HAPLN4: variants seen among roughly 807,000 people sequenced by gnomAD.
HAPLN4 encodes brain link protein 2.
HAPLN4 carries 19 observed loss-of-function variants against 28.0 expected under a neutral mutation model. The ratio of observed to expected loss-of-function variants is 0.68; its 90% CI spans 0.47 to 1.00. The LOEUF is 1.00. Ranked by LOEUF, HAPLN4 falls within the 50% of genes least tolerant of loss-of-function variation. The probability of loss-of-function intolerance (pLI) is 0.00; values close to 1 mark genes in which losing one functional copy is unlikely to be tolerated. For missense variants in HAPLN4, 587 were observed against 602.6 expected (o/e 0.97, Z 0.27); for synonymous variants, 274 against 273.0 (o/e 1.00, Z -0.03).
chr19:19,260,836 C>G lies in HAPLN4; in HGVS notation c.461G>C (p.Gly154Ala), dbSNP rs769047283. The change falls in exon 3 of 5, where the codon GGC (glycine) becomes GCC (alanine). Residue 154 changes from glycine to alanine, a missense_variant. By Grantham distance (60) the Gly-to-Ala change is moderately conservative (BLOSUM62 0). Coordinates refer to ENST00000291481, the MANE Select transcript of HAPLN4 (RefSeq NM_023002.3). ...EVTNELEDDAGMVKLDLEGVV... is the reference protein window; with the variant it reads ...EVTNELEDDAAMVKLDLEGVV... ...ACCTTCCAGGTCCAGCTTGACCATG[C>G]CAGCGTCATCTTCCAGCTCATTGGT... is the stretch of plus-strand genomic sequence containing the variant. The G allele has an allele frequency of 1.2e-6, 2 of 1,612,140 alleles. No homozygotes were observed. Among genetic ancestry groups the G allele is most frequent in the Admixed American group, 3.3e-5 (2 of 60,000 alleles).
rs762316018 is a variant in HAPLN4, at chr19:19,258,597, C to T, written c.743G>A (p.Gly248Asp). Reference protein sequence around the residue: ...SAGGGGDANGGLRNYGYRHNA... With the variant: ...SAGGGGDANGDLRNYGYRHNA... ...ATGGCGATACCCGTAGTTGCGCAGG[C>T]CCCCGTTGGCATCACCGCCGCCCCC... The change falls in exon 4 of 5, where the codon GGC (glycine) becomes GAC (aspartate). Residue 248 changes from glycine (G) to aspartate (D), a missense_variant. Gly to Asp is a moderately conservative substitution (Grantham distance 94). Transcript: ENST00000291481. This position sits in a 1 kb window ranked among gnomAD's most constrained non-coding sequence, Gnocchi z 6.2. The T allele has an allele frequency of 9.9e-6, 16 of 1,613,554 alleles. No individual in the cohort carries two copies. Among genetic ancestry groups the T allele is most frequent in the Non-Finnish European group, 1.3e-5 (15 of 1,179,824 alleles).
chr19:19,262,046 G>A (rs2060985493), intron 1 of HAPLN4, among the ~76,000 whole-genome samples: 1 of 151,910 alleles, frequency 6.6e-6, no homozygotes, highest in Non-Finnish European at 1.5e-5. Flanking sequence ...AGAAGAGAGT[G>A]CGCGACACAG....
In HAPLN4 at chr19:19,262,760, C is replaced by T. The variant is rs1207559890; in HGVS notation, c.-28G>A. The T allele has an allele frequency of 5.0e-6, 8 of 1,608,140 alleles. No individual in the cohort carries two copies. In the South Asian group the frequency reaches 8.9e-5, roughly 18 times the overall value. On this transcript the variant is annotated 5_prime_UTR_variant, in exon 1 of 5. Transcript: ENST00000291481. Reference sequence around the variant, plus strand: ...TGCCCGCGCGGCCCCCGCCGAGCGGCCCCTACGCACCCGGACTGCGCTCCC... The same window carrying T: ...TGCCCGCGCGGCCCCCGCCGAGCGGTCCCTACGCACCCGGACTGCGCTCCC...
At chr19:19,261,211 T>G (rs1192847113) in intron 2 of HAPLN4, 36 bp from the exon 3 acceptor site, 1 of 1,565,502 alleles carries the variant, frequency 6.4e-7, no homozygotes, top group Non-Finnish European at 8.7e-7. Context: ...AGGAGGGGCC[T>G]AGGGGCAGAA....
chr19:19,259,284 A>G (rs1397564176), intron 3 of HAPLN4, among the ~76,000 whole-genome samples: 6 of 152,058 alleles, frequency 3.9e-5, no homozygotes, highest in African/African-American at 1.4e-4. Flanking sequence ...TGACTCTCCT[A>G]GACTAGGACC....
At chr19:19,260,000 G>A (rs2060978015) in intron 3 of HAPLN4, among the ~76,000 whole-genome samples, 1 of 152,142 alleles carries the variant, frequency 6.6e-6, no homozygotes, top group Admixed American at 6.6e-5. Context: ...GAAATCAGTT[G>A]CTAAGCAGGG....
At chr19:19,260,329 G>T (rs2060978898) in intron 3 of HAPLN4, among the ~76,000 whole-genome samples, 1 of 152,134 alleles carries the variant, frequency 6.6e-6, no homozygotes, top group Non-Finnish European at 1.5e-5. Context: ...AGATTTTCCT[G>T]CCTCAGCCTC....
At chr19:19,261,300 A>G (rs1599833560) in intron 2 of HAPLN4, 125 bp from the exon 3 acceptor site, 3 of 1,262,710 alleles carry the variant, frequency 2.4e-6, no homozygotes, top group Non-Finnish European at 3.4e-6. Context: ...AGAAGGGTCC[A>G]GGGGCTCAGG....
intron 2 of HAPLN4, 102 bp downstream of exon 2, chr19:19,261,344 G>C: frequency 7.9e-7 from 1 of 1,269,568 alleles, no homozygotes; most frequent in Non-Finnish European, 1.1e-6. Context: ...GGAGTGGCTG[G>C]GGGAACCGCG....
rs1456944939 is a variant in HAPLN4, at chr19:19,258,587, G to A, written c.753C>T (p.Asn251=). 6.2e-7 allele frequency: 1 copy of A among 1,613,692 alleles called. No individual in the cohort carries two copies. Among genetic ancestry groups the A allele is most frequent in the African/African-American group, 1.3e-5 (1 of 75,020 alleles). The change falls in exon 4 of 5, where the codon AAC becomes AAT. Residue 251 remains asparagine, a synonymous_variant. Coordinates refer to ENST00000291481, the MANE Select transcript of HAPLN4 (RefSeq NM_023002.3). This position sits in a 1 kb window ranked among gnomAD's most constrained non-coding sequence, Gnocchi z 6.2. ...CCTCGGCGTTATGGCGATACCCGTA[G>A]TTGCGCAGGCCCCCGTTGGCATCAC... The part of the protein sequence containing the change: ...GGGDANGGLR[N]YGYRHNAEER...
chr19:19,255,578 C>T lies in HAPLN4; in HGVS notation c.*2239G>A, dbSNP rs1229030245. On this transcript the variant is annotated 3_prime_UTR_variant, in exon 5 of 5. Coordinates refer to ENST00000291481, the MANE Select transcript of HAPLN4 (RefSeq NM_023002.3). ...AAAACAAAAAAAACCCCAAGCCCCC[C>T]AAGCTTGTAACATCTTATCTACCAA... 1.3e-5 allele frequency: 2 copies of T among 152,192 alleles called. No individual in the cohort carries two copies. The highest frequency in any genetic ancestry group is 2.4e-5 in the African/African-American group (1 of 41,430). The allele number at this position is 152,192 out of a possible 1,614,324, so 9.4% of individuals were successfully genotyped here.
rs2060972705 is a variant in HAPLN4 at position 19,258,284 on chromosome 19, C to T, written c.818-76G>A. 3 of 1,368,698 alleles carry T rather than the reference C, an allele frequency of 2.2e-6. No individual in the cohort carries two copies. The highest frequency in any genetic ancestry group is 1.5e-5 in the South Asian group (1 of 67,874). The allele number at this position is 1,368,698 out of a possible 1,614,324, so 84.8% of individuals were successfully genotyped here. Reference sequence around the variant, plus strand: ...GCTTCGGTGGGATTCAGGACTGCCCCCCGCATGCAGCCTAGGACTCTGGCC... The same window carrying T: ...GCTTCGGTGGGATTCAGGACTGCCCTCCGCATGCAGCCTAGGACTCTGGCC... On this transcript the variant is annotated intron_variant, in intron 4 of 4. Transcript: ENST00000291481. This position sits in a 1 kb window ranked among gnomAD's most constrained non-coding sequence, Gnocchi z 6.2.
Position 19,258,472 on chromosome 19 carries a change from G to C in HAPLN4, c.817+51C>G. On this transcript the variant is annotated intron_variant, in intron 4 of 4. Coordinates refer to ENST00000291481, the MANE Select transcript of HAPLN4 (RefSeq NM_023002.3). The surrounding 1 kb of genome is among the most constrained non-coding windows in gnomAD (Gnocchi z 6.2). ...AGCTGGGTGGGGAAGAAGGCCCCGG[G>C]GTTGGGGTAGTGTTGCAGCAGAGGC... 1.3e-6 allele frequency: 2 copies of C among 1,555,390 alleles called. No homozygotes were observed. Among genetic ancestry groups the C allele is most frequent in the Non-Finnish European group, 1.8e-6 (2 of 1,134,238 alleles).
rs1488517516 is a variant in HAPLN4, at chr19:19,260,950, GC to G, written c.346del (p.Ala116LeufsTer61). 3 of 1,613,838 alleles carry G rather than the reference GC, an allele frequency of 1.9e-6. No individual in the cohort carries two copies. In the East Asian group the frequency reaches 6.7e-5, roughly 36 times the overall value. ...HRAFGSYRGRAELQGDGPGDA... is the reference protein window; with the variant it reads ...HRAFGSYRGRXELQGDGPGDA... Reference sequence around the variant, plus strand: ...CCCAGGCCCGTCGCCCTGCAGCTCAGCCCGCCCACGGTAGCTGCCGAATGCC... The same window carrying G: ...CCCAGGCCCGTCGCCCTGCAGCTCAGCCGCCCACGGTAGCTGCCGAATGCC... On this transcript the variant is annotated frameshift_variant, in exon 3 of 5. Coordinates refer to ENST00000291481, the MANE Select transcript of HAPLN4 (RefSeq NM_023002.3). LOFTEE classifies it high-confidence loss of function.
At position 19,261,172 on chromosome 19, in the gene HAPLN4, C is replaced by T; in HGVS notation, c.125G>A (p.Gly42Asp). ...CTGTACCACTACCGAGCCCGACTCA[C>T]CCTCTGAGGACAACCAAGCAGGGTT... The part of the protein sequence containing the change: ...GRKKVVHVLE[G>D]ESGSVVVQTA... The change falls in exon 3 of 5, where the codon GGT (glycine) becomes GAT (aspartate). Residue 42 changes from glycine to aspartate, a missense_variant. By Grantham distance (94) the Gly-to-Asp change is moderately conservative. Transcript: ENST00000291481. 6.3e-7 allele frequency: 1 copy of T among 1,593,052 alleles called. No homozygotes were observed.
Position 19,262,751 on chromosome 19 carries a change from G to T in HAPLN4, c.-19C>A. On this transcript the variant is annotated 5_prime_UTR_variant, in exon 1 of 5. Transcript: ENST00000291481. Reference sequence around the variant, plus strand: ...TTACCATCTTGCCCGCGCGGCCCCCGCCGAGCGGCCCCTACGCACCCGGAC... The same window carrying T: ...TTACCATCTTGCCCGCGCGGCCCCCTCCGAGCGGCCCCTACGCACCCGGAC... 2 of 1,607,674 alleles carry T rather than the reference G, an allele frequency of 1.2e-6. No homozygotes were observed. The highest frequency in any genetic ancestry group is 1.7e-6 in the Non-Finnish European group (2 of 1,176,348).
At position 19,261,488 on chromosome 19, in the gene HAPLN4, C is replaced by T. The variant is rs1599833707; in HGVS notation, c.79G>A (p.Ala27Thr). ...TTCTTCCGGCCACGCTGCGCCCCCG[C>T]AGGGGCTGTGAGCAGCAGGACGCCC... ...AWGVLLLTAP[A>T]GAQRGRKKVV... is the part of the protein sequence containing the mutation. The change falls in exon 2 of 5, where the codon GCG becomes ACG. Residue 27 changes from alanine to threonine, a missense_variant. Ala to Thr is a moderately conservative substitution (Grantham distance 58). Transcript: ENST00000291481. The T allele has an allele frequency of 5.0e-6, 8 of 1,612,188 alleles. No individual in the cohort carries two copies. The highest frequency in any genetic ancestry group is 3.3e-4 in the Middle Eastern group (2 of 6,060).
Position 19,258,689 on chromosome 19 carries a change from G to A in HAPLN4, c.651C>T (p.Gly217=). ...GCCGGTTCACGGGGTATTGCACTGA[G>A]CCGTCGCGCAACCAGCCCGCGTTGC... is the stretch of plus-strand genomic sequence containing the variant. ...DWCNAGWLRD[G]SVQYPVNRPR... The change falls in exon 4 of 5, where the codon GGC becomes GGT. Residue 217 remains glycine (G), a synonymous_variant. Transcript: ENST00000291481. This position sits in a 1 kb window ranked among gnomAD's most constrained non-coding sequence, Gnocchi z 6.2. 2.5e-6 allele frequency: 4 copies of A among 1,607,852 alleles called. No individual in the cohort carries two copies. The highest frequency in any genetic ancestry group is 2.5e-6 in the Non-Finnish European group (3 of 1,177,938).
Position 19,258,446 on chromosome 19 carries a change from G to T in HAPLN4, c.817+77C>A. ...GGGGTCTCCTGTTTCTGATCGCTAA[G>T]AGCTGGGTGGGGAAGAAGGCCCCGG... On this transcript the variant is annotated intron_variant, in intron 4 of 4. Transcript: ENST00000291481. The surrounding 1 kb of genome is among the most constrained non-coding windows in gnomAD (Gnocchi z 6.2). 6.9e-7 allele frequency: 1 copy of T among 1,446,902 alleles called. No homozygotes were observed. Among genetic ancestry groups the T allele is most frequent in the Non-Finnish European group, 9.5e-7 (1 of 1,047,490 alleles). 89.6% of individuals were successfully genotyped at this position (1,446,902 alleles called of 1,614,324 possible). A position where few individuals can be genotyped will look rare whatever the true frequency, so the allele number is the denominator to read the frequency against.
Sources: allele counts gnomAD v4.1 joint callset (sites outside exome capture counted in the v4.1 genomes callset), GRCh38; gene constraint gnomAD v4.1.1; non-coding constraint Gnocchi (gnomAD v3.1); transcripts MANE v1.5; gene names NCBI Gene and HGNC (gene_info 2026-07-23, HGNC 2026-07-21).